The following USP40 variants were observed in gnomAD, a reference collection of about 807,000 sequenced individuals.
USP40 encodes ubiquitin specific peptidase 40, also known as ubiquitin carboxyl-terminal hydrolase 40.
USP40 carries 143 observed loss-of-function variants against 166.2 expected under a neutral mutation model. The observed-to-expected ratio is 0.86, with a 90% confidence interval of 0.75 to 0.99. The LOEUF (loss-of-function observed/expected upper bound fraction) is 0.99. Ranked by LOEUF, USP40 falls within the 50% of genes least tolerant of loss-of-function variation. USP40 has a pLI of 0.00. For missense variants in USP40, 1,444 were observed against 1,479.7 expected (o/e 0.98, Z 0.40); for synonymous variants, 498 against 524.0 (o/e 0.95, Z 0.68).
At chr2:233,507,716 G>A (rs2066524901) in intron 21 of USP40, among the ~76,000 whole-genome samples, 2 of 151,786 alleles carry the variant, frequency 1.3e-5, no homozygotes, top group African/African-American at 4.8e-5. Context: ...GGGAGAGGGT[G>A]GTCAACAGGT....
At position 233,475,783 on chromosome 2, in the gene USP40, G is replaced by A. The variant is rs1169940624; in HGVS notation, c.*1609C>T. ...AGCGATTTCATTAATATTTCATTAC[G>A]CTGAGATGAGATGAAGGCAGATGCT... is the stretch of plus-strand genomic sequence containing the variant. On this transcript the variant is annotated 3_prime_UTR_variant, in exon 32 of 32. Transcript: ENST00000678225. The A allele has an allele frequency of 6.6e-6, 1 of 152,382 alleles. No individual in the cohort carries two copies. The highest frequency in any genetic ancestry group is 2.4e-5 in the African/African-American group (1 of 41,462). The allele number at this position is 152,382 out of a possible 1,614,324, so 9.4% of individuals were successfully genotyped here.
intron 8 of USP40, chr2:233,545,339 A>G (rs1028390807): frequency 1.3e-5 from 2 of 152,232 alleles, no homozygotes; most frequent in African/African-American, 4.8e-5. Context: ...GTTGATCCAG[A>G]TGACATATAG....
intron 21 of USP40, among the ~76,000 whole-genome samples, chr2:233,502,382 A>C (rs1443739434): frequency 6.6e-6 from 1 of 152,224 alleles, no homozygotes; most frequent in Non-Finnish European, 1.5e-5. Flanking sequence ...ATTTAAAAAA[A>C]ATTTTTGGAA....
In USP40 at chr2:233,565,584, G is replaced by C. The variant is rs796640640; in HGVS notation, c.-19-11C>G. Reference sequence around the variant, plus strand: ...AAACTAAATACTACCCTTAAAAAAAGTGACATATAAATGCTTTTATTTTTA... The same window carrying C: ...AAACTAAATACTACCCTTAAAAAAACTGACATATAAATGCTTTTATTTTTA... On this transcript the variant is annotated splice_polypyrimidine_tract_variant and intron_variant, in intron 1 of 31. Transcript: ENST00000678225. The C allele has an allele frequency of 2.0e-6, 3 of 1,526,694 alleles. No individual in the cohort carries two copies. In the African/African-American group the frequency reaches 4.2e-5, roughly 21 times the overall value. The allele number at this position is 1,526,694 out of a possible 1,614,324, so 94.6% of individuals were successfully genotyped here.
chr2:233,566,744 G>C lies in USP40; in HGVS notation c.-80C>G. 1 of 985,954 alleles carries C rather than the reference G, an allele frequency of 1.0e-6. No homozygotes were observed. Among genetic ancestry groups the C allele is most frequent in the Non-Finnish European group, 1.2e-6 (1 of 829,976 alleles). 61.1% of individuals were successfully genotyped at this position (985,954 alleles called of 1,614,324 possible). A position where few individuals can be genotyped will look rare whatever the true frequency, so the allele number is the denominator to read the frequency against. On this transcript the variant is annotated 5_prime_UTR_variant, in exon 1 of 32. Coordinates refer to ENST00000678225, the MANE Select transcript of USP40 (RefSeq NM_001365479.2). The stretch of plus-strand genomic sequence containing the variant: ...CGAAGCGAACGAACCCGCCCCAACT[G>C]GGCGCCGCCATGTTGGCGAGGGCGG...
rs2067617636 is a variant in USP40 at position 233,521,090 on chromosome 2, C to G, written c.2226G>C (p.Trp742Cys). 1 of 1,566,512 alleles carries G rather than the reference C, an allele frequency of 6.4e-7. No homozygotes were observed. The highest frequency in any genetic ancestry group is 1.4e-5 in the African/African-American group (1 of 72,238). ...DNSLLTKEEK[W>C]VTSMNEIDWL... ...AGTCAATCTCATTCATACTAGTGAC[C>G]CATTTCTCTTCCTTGGTCAACAAGC... The change falls in exon 17 of 32, where the codon TGG becomes TGC. Residue 742 changes from tryptophan (W) to cysteine (C), a missense_variant. Physicochemically the swap from Trp to Cys is radical, Grantham distance 215. Transcript: ENST00000678225.
intron 31 of USP40, 109 bp from the exon 32 acceptor site, chr2:233,477,612 G>C: frequency 1.1e-6 from 1 of 945,698 alleles, no homozygotes; most frequent in Admixed American, 2.1e-5. Context: ...ACAAGGACGT[G>C]CATTTGCAAT....
chr2:233,536,158 A>T (rs2068919301), intron 10 of USP40, among the ~76,000 whole-genome samples: 1 of 152,188 alleles, frequency 6.6e-6, no homozygotes, highest in African/African-American at 2.4e-5. Flanking sequence ...TTCAGAATTA[A>T]TCTAGCTACT....
At chr2:233,534,099 A>C (rs371394780) in intron 10 of USP40, among the ~76,000 whole-genome samples, 1 of 152,268 alleles carries the variant, frequency 6.6e-6, no homozygotes, top group African/African-American at 2.4e-5. Context: ...ACACTTTTGA[A>C]ATATTTAAAA....
chr2:233,531,486 A>C (rs1385278058), intron 11 of USP40, among the ~76,000 whole-genome samples: 1 of 152,170 alleles, frequency 6.6e-6, no homozygotes, highest in Non-Finnish European at 1.5e-5. Flanking sequence ...GTACACACTA[A>C]AATTCAATTC....
intron 25 of USP40, chr2:233,492,625 A>C (rs1200073082): frequency 6.6e-6 from 1 of 152,200 alleles, no homozygotes; most frequent in Non-Finnish European, 1.5e-5. Context: ...TACTCTCTCT[A>C]TATAATCCTA....
rs2071770279 is a variant in USP40 at position 233,562,798 on chromosome 2, G to C, written c.205C>G (p.Leu69Val). Residue 69 changes from leucine to valine, a missense_variant, in exon 3 of 32, where the codon CTA becomes GTA. Leu to Val is a conservative substitution (Grantham distance 32). Transcript: ENST00000678225. ...LHFTPEFREA[L>V]FSLGPEELGL... is the part of the protein sequence containing the mutation. The stretch of plus-strand genomic sequence containing the variant: ...AGCTCTTCTGGGCCAAGAGAAAATA[G>C]AGCTTCTAAAGAAAAAGGTAGAATC... The C allele has an allele frequency of 6.5e-7, 1 of 1,532,052 alleles. No individual in the cohort carries two copies. Among genetic ancestry groups the C allele is most frequent in the East Asian group, 2.5e-5 (1 of 40,570 alleles). 94.9% of individuals were successfully genotyped at this position (1,532,052 alleles called of 1,614,324 possible).
chr2:233,536,161 T>A (rs987426462), intron 10 of USP40, among the ~76,000 whole-genome samples: 2 of 152,102 alleles, frequency 1.3e-5, no homozygotes, highest in African/African-American at 4.8e-5. Context: ...AGAATTAATC[T>A]AGCTACTATA....
At chr2:233,488,125 G>C (rs960486773) in intron 28 of USP40, 114 bp downstream of exon 28, 21 of 849,894 alleles carry the variant, frequency 2.5e-5, no homozygotes, top group South Asian at 1.1e-4. Flanking sequence ...CAAGTTGCTA[G>C]GCTACTTAGA....
intron 6 of USP40, 200 bp downstream of exon 6, chr2:233,554,180 A>G: frequency 2.1e-6 from 1 of 478,960 alleles, no homozygotes; most frequent in Non-Finnish European, 3.3e-6. Context: ...CCCCGGAGAA[A>G]AGGAAGTTGG....
In USP40 at chr2:233,488,236, T is replaced by C. The variant is rs1409170611; in HGVS notation, c.3197+3A>G. ...ACTTCAGATGCACAGGAGAATTTCT[T>C]ACCCCAAGTTTTCGCCTTTCTGAAG... On this transcript the variant is annotated splice_donor_region_variant and intron_variant, in intron 28 of 31. Coordinates refer to ENST00000678225, the MANE Select transcript of USP40 (RefSeq NM_001365479.2). 2 of 1,601,274 alleles carry C rather than the reference T, an allele frequency of 1.2e-6. No individual in the cohort carries two copies. Among genetic ancestry groups the C allele is most frequent in the Admixed American group, 3.4e-5 (2 of 58,532 alleles).
chr2:233,531,421 T>C (rs2068516284), intron 11 of USP40, among the ~76,000 whole-genome samples: 1 of 152,226 alleles, frequency 6.6e-6, no homozygotes, highest in Admixed American at 6.5e-5. Flanking sequence ...TTTTGTTGGA[T>C]CTTTGTTCAA....
intron 18 of USP40, among the ~76,000 whole-genome samples, chr2:233,516,964 T>C (rs905856862): frequency 6.6e-6 from 1 of 152,192 alleles, no homozygotes; most frequent in Non-Finnish European, 1.5e-5. Flanking sequence ...TATTTTCTAG[T>C]TTTTAGTGTA....
intron 23 of USP40, among the ~76,000 whole-genome samples, 175 bp from the exon 24 acceptor site, chr2:233,497,007 T>G (rs368466746): frequency 1.3e-5 from 2 of 152,202 alleles, no homozygotes; most frequent in African/African-American, 4.8e-5. Flanking sequence ...CATTATTTGT[T>G]AAATTGTGGG....
Sources: gnomAD v4.1 joint callset for allele counts (sites outside exome capture counted in the v4.1 genomes callset) on GRCh38, gnomAD v4.1.1 for gene constraint, MANE v1.5 for transcripts, NCBI Gene and HGNC (gene_info 2026-07-23, HGNC 2026-07-21) for gene names.